The following SLIT2 variants were observed in gnomAD, a reference collection of about 807,000 sequenced individuals.
SLIT2 encodes the protein slit homolog 2 protein.
In SLIT2, 41 loss-of-function variants were observed where a neutral mutation model predicts 185.7. The observed-to-expected ratio is 0.22, with a 90% CI of 0.17 to 0.29. The LOEUF (loss-of-function observed/expected upper bound fraction) is 0.29. SLIT2 is among the 10% of genes least tolerant of loss of function. The pLI, the probability that SLIT2 is intolerant of heterozygous loss-of-function variation, is 1.00. For missense variants in SLIT2, 1,571 were observed against 1,909.0 expected (o/e 0.82, Z 3.30); for synonymous variants, 693 against 680.2 (o/e 1.02, Z -0.29).
chr4:20,415,007 A>G lies in SLIT2; in HGVS notation c.396-52745A>G, dbSNP rs146095576. Among the ~76,000 whole-genome samples, 1,245 of 152,100 alleles carry G rather than the reference A, an allele frequency of 8.2e-3. 9 individuals carry two copies. The highest frequency in any genetic ancestry group is 0.03 in the South Asian group (144 of 4,816). On this transcript the variant is annotated intron_variant, in intron 4 of 36. Coordinates refer to ENST00000504154, the MANE Select transcript of SLIT2 (RefSeq NM_004787.4). ...TACTTACTGAATTCCCTTTATGCAT[A>G]TTTTTGCTCAGTAATGGTGTTCAGC...
At position 20,253,722 on chromosome 4, in the gene SLIT2, C is replaced by A; in HGVS notation, c.-94C>A. 1 of 1,466,002 alleles carries A rather than the reference C, an allele frequency of 6.8e-7. No homozygotes were observed. Among genetic ancestry groups the A allele is most frequent in the African/African-American group, 1.4e-5 (1 of 72,042 alleles). 90.8% of individuals were successfully genotyped at this position (1,466,002 alleles called of 1,614,324 possible). ...CTGGCACTCTGGGTTGCTAGCCCCGCCGGGCACTGGGCCTCAGACACTGCG... is the reference window on the plus strand; with the variant it reads ...CTGGCACTCTGGGTTGCTAGCCCCGACGGGCACTGGGCCTCAGACACTGCG... On this transcript the variant is annotated 5_prime_UTR_variant, in exon 1 of 37. Transcript: ENST00000504154.
At chr4:20,353,359 A>G (rs1722036542) in intron 4 of SLIT2, among the ~76,000 whole-genome samples, 1 of 152,200 alleles carries the variant, frequency 6.6e-6, no homozygotes. Context: ...TTAAGAAGAA[A>G]CTTTCAGAAG....
At chr4:20,572,592 C>A (rs531634472) in intron 29 of SLIT2, among the ~76,000 whole-genome samples, 1 of 151,820 alleles carries the variant, frequency 6.6e-6, no homozygotes, top group African/African-American at 2.4e-5. Context: ...AATGTGGCAC[C>A]CCTGTTTTTT....
At chr4:20,280,145 A>G (rs1033119206) in intron 4 of SLIT2, among the ~76,000 whole-genome samples, 1 of 151,958 alleles carries the variant, frequency 6.6e-6, no homozygotes, top group Non-Finnish European at 1.5e-5. Flanking sequence ...CATCCTGGCT[A>G]ACACAGTGAA....
At chr4:20,563,939 G>A (rs1364527439) in intron 26 of SLIT2, among the ~76,000 whole-genome samples, 1 of 151,624 alleles carries the variant, frequency 6.6e-6, no homozygotes, top group Non-Finnish European at 1.5e-5. Context: ...AGTAAATCTG[G>A]GTTTAACTTG....
At position 20,293,060 on chromosome 4, in the gene SLIT2, GA is replaced by G. The variant is rs565257032; in HGVS notation, c.395+24180del. 6.6e-5 allele frequency among the ~76,000 whole-genome samples: 10 copies of G among 152,324 alleles called. No homozygotes were observed. In the East Asian group the frequency reaches 1.7e-3, roughly 26 times the overall value. Reference sequence around the variant, plus strand: ...GGAGAAAAAAAAGTCTGTATAGAAAGAGGGGGGAAAAAGTCTGTATGGAAAG... The same window carrying G: ...GGAGAAAAAAAAGTCTGTATAGAAAGGGGGGGAAAAAGTCTGTATGGAAAG... On this transcript the variant is annotated intron_variant, in intron 4 of 36. Transcript: ENST00000504154.
intron 4 of SLIT2, among the ~76,000 whole-genome samples, chr4:20,462,606 C>G (rs775384962): frequency 1.2e-4 from 18 of 152,160 alleles, no homozygotes; most frequent in Non-Finnish European, 2.1e-4. Context: ...TCACTGGTGA[C>G]CCACTGACTC....
At chr4:20,296,554 T>TA (rs1393498582) in intron 4 of SLIT2, among the ~76,000 whole-genome samples, 1 of 152,200 alleles carries the variant, frequency 6.6e-6, no homozygotes, top group Non-Finnish European at 1.5e-5. Flanking sequence ...ACTGTGGCCT[T>TA]ATATTCCATT....
chr4:20,611,228 T>C (rs1336046288), intron 34 of SLIT2, among the ~76,000 whole-genome samples: 2 of 152,210 alleles, frequency 1.3e-5, no homozygotes, highest in African/African-American at 4.8e-5. Flanking sequence ...TGCTACACCA[T>C]TATCTCAACC....
intron 15 of SLIT2, among the ~76,000 whole-genome samples, chr4:20,526,285 G>C (rs1449121942): frequency 6.6e-6 from 1 of 152,014 alleles, no homozygotes; most frequent in African/African-American, 2.4e-5. Flanking sequence ...GACTTATTTT[G>C]AGCTTGAATG....
intron 26 of SLIT2, among the ~76,000 whole-genome samples, chr4:20,555,470 C>T (rs909438376): frequency 6.6e-6 from 1 of 151,964 alleles, no homozygotes; most frequent in Non-Finnish European, 1.5e-5. Context: ...GTGATGGTTA[C>T]AGTCTGAAAG....
chr4:20,295,335 A>C (rs779439031), intron 4 of SLIT2, among the ~76,000 whole-genome samples: 32 of 152,232 alleles, frequency 2.1e-4, no homozygotes, highest in Non-Finnish European at 3.7e-4. Flanking sequence ...GAGTACAATG[A>C]TTTTAATTTG....
chr4:20,481,172 AT>A (rs1173402130), intron 6 of SLIT2, among the ~76,000 whole-genome samples: 1 of 152,138 alleles, frequency 6.6e-6, no homozygotes, highest in East Asian at 1.9e-4. Flanking sequence ...ACAGTTTCTC[AT>A]TAAAAAAATA....
intron 5 of SLIT2, among the ~76,000 whole-genome samples, chr4:20,469,028 A>G (rs991695093): frequency 2.6e-5 from 4 of 152,146 alleles, no homozygotes; most frequent in East Asian, 3.8e-4. Context: ...TCTAAGGTAT[A>G]AATGTATAAA....
chr4:20,462,029 AG>A (rs778194572), intron 4 of SLIT2, among the ~76,000 whole-genome samples: 15 of 152,198 alleles, frequency 9.9e-5, no homozygotes, highest in African/African-American at 2.9e-4. Context: ...ATATAGTAGA[AG>A]GGGGAGGGTC....
chr4:20,283,456 A>T (rs895255575), intron 4 of SLIT2, among the ~76,000 whole-genome samples: 7 of 152,224 alleles, frequency 4.6e-5, no homozygotes, highest in Non-Finnish European at 1.0e-4. Context: ...TCTTTCCAGT[A>T]TTAGAAGACA....
intron 14 of SLIT2, among the ~76,000 whole-genome samples, chr4:20,524,462 C>A (rs910992267): frequency 6.6e-6 from 1 of 152,272 alleles, no homozygotes; most frequent in South Asian, 2.1e-4. Flanking sequence ...TTAACCAGAG[C>A]CTTATAGCTA....
intron 4 of SLIT2, among the ~76,000 whole-genome samples, chr4:20,422,715 G>A (rs928808864): frequency 1.3e-5 from 2 of 152,074 alleles, no homozygotes; most frequent in Non-Finnish European, 2.9e-5. Flanking sequence ...GAGCCAGACT[G>A]CCATAAAGGT....
intron 9 of SLIT2, among the ~76,000 whole-genome samples, chr4:20,509,586 G>C (rs114914512): frequency 0.029 from 4,424 of 152,230 alleles, 239 homozygotes; most frequent in African/African-American, 0.1. Context: ...GTTCACTGGA[G>C]TCAGCTCTTT....
Sources: allele counts gnomAD v4.1 joint callset (sites outside exome capture counted in the v4.1 genomes callset), GRCh38; gene constraint gnomAD v4.1.1; transcripts MANE v1.5; gene names NCBI Gene and HGNC (gene_info 2026-07-23, HGNC 2026-07-21).